Variants in EIF1B observed in about 807,000 individuals in gnomAD.
EIF1B encodes protein translation factor SUI1 homolog GC20.
Under a neutral mutation model 14.8 loss-of-function variants are expected in EIF1B, and 5 were observed. The observed-to-expected ratio is 0.34, with a 90% CI of 0.18 to 0.71. The LOEUF is 0.71. Among genes scored for constraint, EIF1B ranks in the 30% least tolerant of loss-of-function variants. The probability of loss-of-function intolerance (pLI) is 0.64; values close to 1 mark genes in which losing one functional copy is unlikely to be tolerated. For missense variants in EIF1B, 56 were observed against 134.0 expected (o/e 0.42, Z 2.87); for synonymous variants, 45 against 45.8 (o/e 0.98, Z 0.07).
At chr3:40,311,805 TATTCAA>T in intron 3 of EIF1B, 159 bp from the exon 4 acceptor site, 3 of 685,026 alleles carry the variant, frequency 4.4e-6, no homozygotes, top group Non-Finnish European at 7.6e-6. Flanking sequence ...GCATGTAAAG[TATTCAA>T]ATACGTGTTG....
At chr3:40,310,008 C>T (rs1180029243) in intron 1 of EIF1B, 36 bp downstream of exon 1, 4 of 1,612,632 alleles carry the variant, frequency 2.5e-6, no homozygotes, top group East Asian at 4.5e-5. Flanking sequence ...CTCCCTTGCC[C>T]GGCGCGCATC....
intron 3 of EIF1B, 48 bp downstream of exon 3, chr3:40,311,619 T>C: frequency 7.0e-7 from 1 of 1,435,708 alleles, no homozygotes; most frequent in Non-Finnish European, 9.8e-7. Context: ...GCTTTTAAAA[T>C]TGTATTTAAA....
intron 2 of EIF1B, 197 bp downstream of exon 2, chr3:40,311,253 A>G (rs1274960571): frequency 1.7e-6 from 1 of 599,126 alleles, no homozygotes; most frequent in East Asian, 3.0e-5. Context: ...CGTTGCTTTT[A>G]AATAAATTTA....
At chr3:40,310,081 T>G in intron 1 of EIF1B, 109 bp downstream of exon 1, 2 of 1,423,000 alleles carry the variant, frequency 1.4e-6, no homozygotes, top group Non-Finnish European at 2.0e-6. Flanking sequence ...CCCGCACCCC[T>G]AGTGGGGCTT....
rs1488652935 is a variant in EIF1B, at chr3:40,309,812, T to A, written c.-130T>A. ...GGCTTCCGCCGCCGCCACTCCAGCC[T>A]AATCCCAACCCCAGGGCGAAGCGTT... is the stretch of plus-strand genomic sequence containing the variant. On this transcript the variant is annotated 5_prime_UTR_variant, in exon 1 of 4. Transcript: ENST00000232905. 1 of 1,176,444 alleles carries A rather than the reference T, an allele frequency of 8.5e-7. No homozygotes were observed. The highest frequency in any genetic ancestry group is 1.8e-5 in the Admixed American group (1 of 55,632). 72.9% of individuals were successfully genotyped at this position (1,176,444 alleles called of 1,614,324 possible).
At position 40,312,070 on chromosome 3, in the gene EIF1B, T is replaced by C. The variant is rs187902295; in HGVS notation, c.*56T>C. On this transcript the variant is annotated 3_prime_UTR_variant, in exon 4 of 4. Transcript: ENST00000232905. Reference sequence around the variant, plus strand: ...AATAGTTTTGTTCTCTAAACCCGGTTTGGCTGCCTTGTGAAATGATTCCCT... The same window carrying C: ...AATAGTTTTGTTCTCTAAACCCGGTCTGGCTGCCTTGTGAAATGATTCCCT... The C allele has an allele frequency of 8.9e-5, 115 of 1,292,902 alleles. 1 individual carries two copies. In the African/African-American group the frequency reaches 1.4e-3, roughly 16 times the overall value. 80.1% of individuals were successfully genotyped at this position (1,292,902 alleles called of 1,614,324 possible).
Position 40,312,165 on chromosome 3 carries a change from A to G in EIF1B, c.*151A>G. The G allele has an allele frequency of 1.6e-6, 1 of 641,914 alleles. No homozygotes were observed. 39.8% of individuals were successfully genotyped at this position (641,914 alleles called of 1,614,324 possible). A position where few individuals can be genotyped will look rare whatever the true frequency, so the allele number is the denominator to read the frequency against. On this transcript the variant is annotated 3_prime_UTR_variant, in exon 4 of 4. Coordinates refer to ENST00000232905, the MANE Select transcript of EIF1B (RefSeq NM_005875.3). ...TCACATCTGCATGATTACAGAAAAC[A>G]TGGGGTATGTAGACTAGTAACACAT...
chr3:40,309,985 C>T lies in EIF1B; in HGVS notation c.31+13C>T, dbSNP rs1437491964. On this transcript the variant is annotated intron_variant, in intron 1 of 3. Transcript: ENST00000232905. ...CTCCAATCTTTCGGTAAGATCCCGT[C>T]GCCGCCGCCTCCCTCCCTTGCCCGG... is the stretch of plus-strand genomic sequence containing the variant. 3.1e-6 allele frequency: 5 copies of T among 1,613,640 alleles called. No homozygotes were observed. Among genetic ancestry groups the T allele is most frequent in the Non-Finnish European group, 4.2e-6 (5 of 1,179,882 alleles).
chr3:40,311,821 G>A, intron 3 of EIF1B, 149 bp from the exon 4 acceptor site: 1 of 717,268 alleles, frequency 1.4e-6, no homozygotes, highest in South Asian at 1.6e-5. Context: ...AATACGTGTT[G>A]AATTGTTGGC....
At chr3:40,311,703 A>G (rs1035809666) in intron 3 of EIF1B, 132 bp downstream of exon 3, 1 of 779,072 alleles carries the variant, frequency 1.3e-6, no homozygotes, top group South Asian at 1.8e-5. Flanking sequence ...AAGACATGGT[A>G]GTTATTTGGA....
chr3:40,310,477 CTTT>C (rs11456122), intron 1 of EIF1B, among the ~76,000 whole-genome samples: 1 of 150,806 alleles, frequency 6.6e-6, no homozygotes, highest in Non-Finnish European at 1.5e-5. Context: ...ATGTAATCTA[CTTT>C]TTTTTTGGCA....
chr3:40,311,114 A>G (rs765804227), intron 2 of EIF1B, 58 bp downstream of exon 2: 29 of 1,514,008 alleles, frequency 1.9e-5, no homozygotes, highest in Non-Finnish European at 2.6e-5. Flanking sequence ...GAACTGGATT[A>G]TGATTCACAC....
intron 3 of EIF1B, 155 bp from the exon 4 acceptor site, chr3:40,311,815 C>T (rs952654402): frequency 2.2e-4 from 154 of 698,382 alleles, no homozygotes; most frequent in Non-Finnish European, 1.1e-4. Flanking sequence ...TATTCAAATA[C>T]GTGTTGAATT....
Position 40,309,774 on chromosome 3 carries a change from C to T in EIF1B, c.-168C>T. 1 of 732,006 alleles carries T rather than the reference C, an allele frequency of 1.4e-6. No individual in the cohort carries two copies. Among genetic ancestry groups the T allele is most frequent in the Non-Finnish European group, 2.3e-6 (1 of 438,646 alleles). 45.3% of individuals were successfully genotyped at this position (732,006 alleles called of 1,614,324 possible). ...TCCTCCGCCTCCTCCTTCGCCTCTT[C>T]CTGCCTCCTCCCGGCTTCCGCCGCC... On this transcript the variant is annotated 5_prime_UTR_variant, in exon 1 of 4. Coordinates refer to ENST00000232905, the MANE Select transcript of EIF1B (RefSeq NM_005875.3).
At chr3:40,311,717 C>A in intron 3 of EIF1B, 146 bp downstream of exon 3, 1 of 718,136 alleles carries the variant, frequency 1.4e-6, no homozygotes. Flanking sequence ...ATTTGGAAAG[C>A]AAAGACCTTT....
At chr3:40,309,994 C>T in intron 1 of EIF1B, 22 bp downstream of exon 1, 2 of 1,613,344 alleles carry the variant, frequency 1.2e-6, no homozygotes, top group Non-Finnish European at 1.7e-6. Context: ...TCGCCGCCGC[C>T]TCCCTCCCTT....
rs1295464650 is a variant in EIF1B, at chr3:40,312,105, G to A, written c.*91G>A. ...TGTGAAATGATTCCCTGCAGTAAAC[G>A]GACTTTTCATTTATTTAATCATTCA... is the stretch of plus-strand genomic sequence containing the variant. On this transcript the variant is annotated 3_prime_UTR_variant, in exon 4 of 4. Coordinates refer to ENST00000232905, the MANE Select transcript of EIF1B (RefSeq NM_005875.3). 86 of 892,228 alleles carry A rather than the reference G, an allele frequency of 9.6e-5. 1 individual carries two copies. Among genetic ancestry groups the A allele is most frequent in the East Asian group, 2.4e-5 (1 of 41,272 alleles). The allele number at this position is 892,228 out of a possible 1,614,324, so 55.3% of individuals were successfully genotyped here. A position where few individuals can be genotyped will look rare whatever the true frequency, so the allele number is the denominator to read the frequency against.
intron 2 of EIF1B, 155 bp downstream of exon 2, chr3:40,311,211 C>T: frequency 2.8e-6 from 2 of 713,544 alleles, no homozygotes; most frequent in South Asian, 2.6e-5. Context: ...GTTATTCTCC[C>T]AGTGTGGTCT....
intron 2 of EIF1B, 139 bp from the exon 3 acceptor site, chr3:40,311,331 G>A: frequency 1.6e-6 from 1 of 624,510 alleles, no homozygotes; most frequent in Non-Finnish European, 2.7e-6. Context: ...TAATTTGGAA[G>A]GATTGTGGAT....
Sources: gnomAD v4.1 joint callset for allele counts (sites outside exome capture counted in the v4.1 genomes callset) on GRCh38, gnomAD v4.1.1 for gene constraint, MANE v1.5 for transcripts, NCBI Gene and HGNC (gene_info 2026-07-23, HGNC 2026-07-21) for gene names.